Variants in PRIMPOL observed in about 807,000 individuals in gnomAD.
The protein encoded by PRIMPOL is primase and DNA directed polymerase.
PRIMPOL carries 54 observed loss-of-function variants against 63.6 expected under a neutral mutation model. The observed-to-expected ratio is 0.85, with a 90% CI of 0.68 to 1.07. PRIMPOL has a LOEUF of 1.07. Ranked by LOEUF, PRIMPOL falls within the 50% of genes least tolerant of loss-of-function variation. PRIMPOL has a pLI of 0.00. For synonymous variants in PRIMPOL, 197 were observed against 220.2 expected, an observed-to-expected ratio of 0.89 and a Z score of 0.93; for missense variants, 610 against 648.3, an observed-to-expected ratio of 0.94 and a Z score of 0.64.
rs756046823 is a variant in PRIMPOL, at chr4:184,661,870, T to C, written c.375T>C (p.Ala125=). The change falls in exon 5 of 14, where the codon GCT becomes GCC. Residue 125 remains alanine (A), a synonymous_variant. Transcript: ENST00000314970. Reference sequence around the variant, plus strand: ...TTAACAAACCTGCCAACCCAGGAGCTGATGGGAAAAAGATGGTTGCATTAC... The same window carrying C: ...TTAACAAACCTGCCAACCCAGGAGCCGATGGGAAAAAGATGGTTGCATTAC... ...LEFNKPANPG[A]DGKKMVALLI... The C allele has an allele frequency of 3.7e-6, 6 of 1,613,506 alleles. No homozygotes were observed. The highest frequency in any genetic ancestry group is 5.1e-6 in the Non-Finnish European group (6 of 1,179,716).
intron 9 of PRIMPOL, among the ~76,000 whole-genome samples, chr4:184,684,369 T>C (rs1756449881): frequency 6.6e-6 from 1 of 151,494 alleles, no homozygotes; most frequent in African/African-American, 2.4e-5. Flanking sequence ...GGCAGGAGAA[T>C]CGCTTGAACC....
chr4:184,655,409 CA>C (rs1471063510), intron 2 of PRIMPOL, among the ~76,000 whole-genome samples: 2 of 150,796 alleles, frequency 1.3e-5, no homozygotes, highest in Non-Finnish European at 3.0e-5. Context: ...CTGGCACCTC[CA>C]CTCCTGGTTC....
chr4:184,679,054 T>C (rs1579550794), intron 8 of PRIMPOL, among the ~76,000 whole-genome samples: 1 of 152,214 alleles, frequency 6.6e-6, no homozygotes, highest in Non-Finnish European at 1.5e-5. Context: ...TTTCTTTTCA[T>C]GTATGCACAT....
intron 5 of PRIMPOL, 54 bp from the exon 6 acceptor site, chr4:184,665,863 G>C (rs999411071): frequency 4.7e-5 from 59 of 1,266,562 alleles, no homozygotes; most frequent in Non-Finnish European, 6.3e-5. Context: ...ATTGCTTATA[G>C]AAAAATTTTA....
intron 11 of PRIMPOL, 140 bp from the exon 12 acceptor site, chr4:184,691,359 G>A (rs28409715): frequency 0.022 from 13,722 of 612,564 alleles, 1,346 homozygotes; most frequent in African/African-American, 0.22. Flanking sequence ...TGATTGGTAT[G>A]TATCTATCCT....
chr4:184,676,380 CTT>C (rs1753407457), intron 7 of PRIMPOL, among the ~76,000 whole-genome samples: 1 of 76,472 alleles, frequency 1.3e-5, no homozygotes, highest in Non-Finnish European at 2.8e-5. Flanking sequence ...CTTCCCTTCC[CTT>C]CCTTTCCCTT....
At chr4:184,694,297 A>G in intron 13 of PRIMPOL, 1 of 1,320,068 alleles carries the variant, frequency 7.6e-7, no homozygotes, top group Non-Finnish European at 9.7e-7. Flanking sequence ...ACTGTAGGTA[A>G]TTTCAAATTT....
chr4:184,651,637 A>G (rs1036516709), intron 1 of PRIMPOL, among the ~76,000 whole-genome samples: 1 of 152,042 alleles, frequency 6.6e-6, no homozygotes, highest in Non-Finnish European at 1.5e-5. Flanking sequence ...AATCATACTA[A>G]TTTACTTAGT....
chr4:184,694,246 T>A, intron 13 of PRIMPOL: 1 of 1,135,758 alleles, frequency 8.8e-7, no homozygotes, highest in East Asian at 4.4e-5. Context: ...AAATCCACCC[T>A]TGCTCTTCCG....
chr4:184,682,380 T>A, intron 9 of PRIMPOL, 44 bp downstream of exon 9: 1 of 1,073,310 alleles, frequency 9.3e-7, no homozygotes, highest in South Asian at 1.3e-5. Context: ...ACAGCATCTC[T>A]CATTGTCACC....
intron 2 of PRIMPOL, among the ~76,000 whole-genome samples, chr4:184,656,660 A>C (rs891950756): frequency 2.6e-5 from 4 of 152,206 alleles, no homozygotes; most frequent in African/African-American, 9.7e-5. Flanking sequence ...TAATAGCACA[A>C]GAATGGGTGG....
chr4:184,678,828 AGTTCTTACAGTTCTAAGT>A (rs372763063), intron 8 of PRIMPOL, among the ~76,000 whole-genome samples: 15,883 of 152,162 alleles, frequency 0.1, 953 homozygotes, highest in Middle Eastern at 0.17. Flanking sequence ...GCGCCCAGCC[AGTTCTTACAGTTCTAAGT>A]TAACTTTTCT....
Position 184,678,259 on chromosome 4 carries a change from G to T in PRIMPOL, c.872G>T (p.Arg291Leu). 6.3e-7 allele frequency: 1 copy of T among 1,586,370 alleles called. No individual in the cohort carries two copies. Among genetic ancestry groups the T allele is most frequent in the Non-Finnish European group, 8.5e-7 (1 of 1,170,430 alleles). ...GTTTATACAAGAAATAGAAACTTTC[G>T]GCTATATAAATCATCAAAAATTGGA... ...LGVYTRNRNFRLYKSSKIGKR... is the reference protein window; with the variant it reads ...LGVYTRNRNFLLYKSSKIGKR... The change falls in exon 8 of 14, where the codon CGG becomes CTG. Residue 291 changes from arginine (R) to leucine (L), a missense_variant. Around this residue, in one of 3 missense-constraint regions of PRIMPOL, gnomAD observed 444 missense variants for 456.4 expected, o/e 0.97. Transcript: ENST00000314970.
chr4:184,674,701 TATACTGG>T (rs1260979769), intron 7 of PRIMPOL, among the ~76,000 whole-genome samples: 1 of 152,216 alleles, frequency 6.6e-6, no homozygotes, highest in Admixed American at 6.5e-5. Flanking sequence ...ATACGTATTA[TATACTGG>T]ATTCTTACAG....
intron 8 of PRIMPOL, among the ~76,000 whole-genome samples, chr4:184,680,346 C>T (rs1436532739): frequency 6.6e-6 from 1 of 152,110 alleles, no homozygotes; most frequent in Non-Finnish European, 1.5e-5. Context: ...TGCCACCACA[C>T]CCAGATAATT....
rs142122035 is a variant in PRIMPOL, at chr4:184,661,800, T to C, written c.305T>C (p.Val102Ala). ...AAAAATCTCTTACACTGCTATGAAGTTATTCCTGAAAATGCTGTGTGCAAG... is the reference window on the plus strand; with the variant it reads ...AAAAATCTCTTACACTGCTATGAAGCTATTCCTGAAAATGCTGTGTGCAAG... ...SRKNLLHCYE[V>A]IPENAVCKLY... The change falls in exon 5 of 14, where the codon GTT becomes GCT. Residue 102 changes from valine (V) to alanine (A), a missense_variant. By Grantham distance (64) the Val-to-Ala change is moderately conservative. Around this residue, in one of 3 missense-constraint regions of PRIMPOL, gnomAD observed 159 missense variants for 168.9 expected, o/e 0.94. Transcript: ENST00000314970. 17,119 of 1,612,282 alleles carry C rather than the reference T, an allele frequency of 0.011. 127 individuals are homozygous for C. Among genetic ancestry groups the C allele is most frequent in the Non-Finnish European group, 0.012 (14,338 of 1,178,628 alleles).
chr4:184,674,614 A>C (rs1456033866), intron 7 of PRIMPOL, among the ~76,000 whole-genome samples: 1 of 152,220 alleles, frequency 6.6e-6, no homozygotes, highest in Non-Finnish European at 1.5e-5. Flanking sequence ...TGACTTCCCA[A>C]AAACTTAATT....
chr4:184,663,763 C>G (rs1018817719), intron 5 of PRIMPOL, among the ~76,000 whole-genome samples: 1 of 152,148 alleles, frequency 6.6e-6, no homozygotes, highest in Non-Finnish European at 1.5e-5. Context: ...GAACAGTTCT[C>G]ATTGGATTAC....
intron 8 of PRIMPOL, among the ~76,000 whole-genome samples, chr4:184,680,374 G>C (rs1488179512): frequency 2.0e-5 from 3 of 152,150 alleles, no homozygotes; most frequent in African/African-American, 7.2e-5. Flanking sequence ...TTTTAGTAGA[G>C]ATGGGGTTTC....
Sources: allele counts gnomAD v4.1 joint callset (sites outside exome capture counted in the v4.1 genomes callset), GRCh38; gene constraint gnomAD v4.1.1; regional missense constraint gnomAD v4.1.1; transcripts MANE v1.5; gene names NCBI Gene and HGNC (gene_info 2026-07-23, HGNC 2026-07-21).